Variants in PHACTR3 observed in about 807,000 individuals in gnomAD.
PHACTR3 encodes the protein protein phosphatase 1, regulatory subunit 123.
PHACTR3 carries 16 observed loss-of-function variants against 66.8 expected under a neutral mutation model. The ratio of observed to expected loss-of-function variants is 0.24; its 90% CI spans 0.16 to 0.36. The LOEUF (loss-of-function observed/expected upper bound fraction) is 0.36. Among genes scored for constraint, PHACTR3 ranks in the 10% least tolerant of loss-of-function variants. PHACTR3 has a pLI of 1.00. For missense variants in PHACTR3, 647 were observed against 719.9 expected (o/e 0.90, Z 1.16); for synonymous variants, 323 against 292.1 (o/e 1.11, Z -1.08).
intron 7 of PHACTR3, among the ~76,000 whole-genome samples, chr20:59,801,117 C>T (rs1313222754): frequency 6.6e-6 from 1 of 152,128 alleles, no homozygotes; most frequent in African/African-American, 2.4e-5. Context: ...TACTATGCAA[C>T]TCTCTCCTCT....
intron 1 of PHACTR3, among the ~76,000 whole-genome samples, chr20:59,664,309 T>G (rs1306546127): frequency 6.6e-6 from 1 of 152,124 alleles, no homozygotes; most frequent in Non-Finnish European, 1.5e-5. Context: ...GCAACCCACC[T>G]CCATGGCCAT....
intron 1 of PHACTR3, among the ~76,000 whole-genome samples, chr20:59,588,459 C>T (rs377179475): frequency 7.9e-5 from 12 of 152,164 alleles, no homozygotes; most frequent in African/African-American, 2.7e-4. Flanking sequence ...CTCTATCTGG[C>T]GGCCCCAACA....
In PHACTR3 at chr20:59,830,723, C is replaced by T. The variant is rs577305392; in HGVS notation, c.1329-5782C>T. 1.9e-4 allele frequency among the ~76,000 whole-genome samples: 29 copies of T among 152,134 alleles called. No homozygotes were observed. The highest frequency in any genetic ancestry group is 3.1e-4 in the Non-Finnish European group (21 of 68,014). On this transcript the variant is annotated intron_variant, in intron 8 of 12. Transcript: ENST00000371015. The surrounding 1 kb of genome is among the most constrained non-coding windows in gnomAD (Gnocchi z 5.8). Reference sequence around the variant, plus strand: ...AACCTCCTCCTGTATTTAGTGTTCTCGACTCTCCCAGCATCCCTGTGGGTT... The same window carrying T: ...AACCTCCTCCTGTATTTAGTGTTCTTGACTCTCCCAGCATCCCTGTGGGTT...
At chr20:59,620,626 C>G (rs2034196152) in intron 1 of PHACTR3, among the ~76,000 whole-genome samples, 1 of 152,184 alleles carries the variant, frequency 6.6e-6, no homozygotes, top group Non-Finnish European at 1.5e-5. Context: ...CTGGAGATCC[C>G]TAGGTCAGTT....
At chr20:59,773,240 T>C (rs1304630484) in intron 5 of PHACTR3, 39 bp from the exon 6 acceptor site, 2 of 1,590,854 alleles carry the variant, frequency 1.3e-6, no homozygotes, top group Non-Finnish European at 1.7e-6. Flanking sequence ...TCCCAGCTCC[T>C]GAAGACCTAT....
chr20:59,711,154 G>A (rs13038553), intron 1 of PHACTR3, among the ~76,000 whole-genome samples: 50,290 of 151,914 alleles, frequency 0.33, 9,635 homozygotes, highest in Middle Eastern at 0.45. Context: ...ATCATTAAAT[G>A]TTTTTCAAAT....
intron 1 of PHACTR3, among the ~76,000 whole-genome samples, chr20:59,584,511 A>G (rs1173488831): frequency 1.3e-5 from 2 of 151,986 alleles, no homozygotes; most frequent in Admixed American, 1.3e-4. Flanking sequence ...TGAATATTAC[A>G]TGCATGAGTG....
chr20:59,607,791 C>T (rs1352601745), intron 1 of PHACTR3, among the ~76,000 whole-genome samples: 1 of 152,190 alleles, frequency 6.6e-6, no homozygotes, highest in African/African-American at 2.4e-5. Flanking sequence ...TTGCAATATC[C>T]ATCTCCCTTT....
chr20:59,843,317 A>C lies in PHACTR3; in HGVS notation c.1587+1782A>C, dbSNP rs541155980. On this transcript the variant is annotated intron_variant, in intron 11 of 12. Transcript: ENST00000371015. ...CAATGCAATCCCTATCAAAATACCAATGTCATTTTTCACAAAAATAGTAAA... is the reference window on the plus strand; with the variant it reads ...CAATGCAATCCCTATCAAAATACCACTGTCATTTTTCACAAAAATAGTAAA... The C allele has an allele frequency of 3.3e-5, 5 of 152,216 alleles. No homozygotes were observed. The East Asian group carries it at 9.6e-4, about 29-fold the overall frequency. The allele number at this position is 152,216 out of a possible 1,614,324, so 9.4% of individuals were successfully genotyped here.
intron 1 of PHACTR3, among the ~76,000 whole-genome samples, chr20:59,584,278 G>A (rs532512756): frequency 2.2e-4 from 33 of 152,020 alleles, no homozygotes; most frequent in African/African-American, 7.5e-4. Context: ...TTGTGAGGCC[G>A]TGCAAGAGTG....
At chr20:59,834,226 G>A in intron 8 of PHACTR3, among the ~76,000 whole-genome samples, 1 of 152,168 alleles carries the variant, frequency 6.6e-6, no homozygotes, top group African/African-American at 2.4e-5. Context: ...TGCTCTAAAA[G>A]TGCCTGTGTG....
In PHACTR3 at chr20:59,604,877, CTTTT is replaced by C. The variant is rs11477768; in HGVS notation, c.-119_-116del. ...TCTCCAGCTCGTTTCCTTTCCCGGC[CTTTT>C]TTTTTTTTTTTTTTTTTTAATTTTC... On this transcript the variant is annotated 5_prime_UTR_variant, in exon 1 of 13. Transcript: ENST00000371015. 444 of 978,626 alleles carry C rather than the reference CTTTT, an allele frequency of 4.5e-4. 2 individuals carry two copies. The African/African-American group carries it at 8.1e-3, about 18-fold the overall frequency. The allele number at this position is 978,626 out of a possible 1,614,324, so 60.6% of individuals were successfully genotyped here. A position where few individuals can be genotyped will look rare whatever the true frequency, so the allele number is the denominator to read the frequency against.
At chr20:59,787,639 C>A (rs1161270753) in intron 7 of PHACTR3, among the ~76,000 whole-genome samples, 1 of 152,200 alleles carries the variant, frequency 6.6e-6, no homozygotes, top group Non-Finnish European at 1.5e-5. Context: ...AGAGAGTCCC[C>A]ATTCCACTCC....
intron 1 of PHACTR3, among the ~76,000 whole-genome samples, chr20:59,689,613 A>G (rs1207675171): frequency 6.6e-6 from 1 of 152,156 alleles, no homozygotes; most frequent in African/African-American, 2.4e-5. Context: ...GTGAAACAAT[A>G]TTGAACCCCC....
At chr20:59,674,028 G>A (rs1298298035) in intron 1 of PHACTR3, among the ~76,000 whole-genome samples, 7 of 152,056 alleles carry the variant, frequency 4.6e-5, no homozygotes, top group African/African-American at 7.2e-5. Context: ...CCGAGGAGTC[G>A]AGCTTCTGAT....
intron 1 of PHACTR3, among the ~76,000 whole-genome samples, chr20:59,668,289 C>T (rs567858178): frequency 5.9e-5 from 9 of 151,684 alleles, no homozygotes; most frequent in Admixed American, 2.0e-4. Context: ...TACACCTGTA[C>T]GGGGTTAGAG....
At chr20:59,721,715 G>A (rs1488562796) in intron 1 of PHACTR3, among the ~76,000 whole-genome samples, 1 of 152,108 alleles carries the variant, frequency 6.6e-6, no homozygotes, top group African/African-American at 2.4e-5. Context: ...AGATTGCGTG[G>A]GGAGGATACT....
intron 1 of PHACTR3, among the ~76,000 whole-genome samples, chr20:59,622,954 G>A (rs935596002): frequency 1.7e-4 from 15 of 89,554 alleles, no homozygotes; most frequent in Non-Finnish European, 2.4e-4. Flanking sequence ...GCTTCTACAA[G>A]GATTCTAATT....
intron 1 of PHACTR3, among the ~76,000 whole-genome samples, chr20:59,737,494 G>A (rs1040581217): frequency 2.0e-5 from 3 of 149,508 alleles, no homozygotes; most frequent in Non-Finnish European, 4.5e-5. Context: ...ATGTGCGTGT[G>A]TGTGTGTCTG....
Sources: gnomAD v4.1 joint callset for allele counts (sites outside exome capture counted in the v4.1 genomes callset) on GRCh38, gnomAD v4.1.1 for gene constraint, Gnocchi (gnomAD v3.1) non-coding constraint, MANE v1.5 for transcripts, NCBI Gene and HGNC (gene_info 2026-07-23, HGNC 2026-07-21) for gene names.